NKX1-2: variants seen among roughly 807,000 people sequenced by gnomAD.
NKX1-2 encodes NK1 homeobox 2, also known as NK1 transcription factor-related protein 2.
NKX1-2 carries 1 observed loss-of-function variant against 4.4 expected under a neutral mutation model. That is an observed-to-expected ratio of 0.23 (90% CI 0.08 to 1.08). NKX1-2 has a LOEUF of 1.08. NKX1-2 is among the 50% of genes least tolerant of loss of function. NKX1-2 has a pLI of 0.55. For missense variants in NKX1-2, 503 were observed against 464.6 expected, an observed-to-expected ratio of 1.08 and a Z score of -0.76; for synonymous variants, 235 against 228.0, an observed-to-expected ratio of 1.03 and a Z score of -0.28.
chr10:124,447,314 C>T lies in NKX1-2; in HGVS notation c.*115G>A, dbSNP rs993501253. On this transcript the variant is annotated 3_prime_UTR_variant, in exon 2 of 2. Coordinates refer to ENST00000451024, the MANE Select transcript of NKX1-2 (RefSeq NM_001146340.3). ...CCGCGAGGATCGCGGGTGCGCGCGG[C>T]GGGCAGGGGTGCGCTGACACCCGCG... 7 of 578,398 alleles carry T rather than the reference C, an allele frequency of 1.2e-5. No individual in the cohort carries two copies. The highest frequency in any genetic ancestry group is 7.8e-5 in the African/African-American group (4 of 51,004). The allele number at this position is 578,398 out of a possible 1,614,324, so 35.8% of individuals were successfully genotyped here. A position where few individuals can be genotyped will look rare whatever the true frequency, so the allele number is the denominator to read the frequency against.
chr10:124,445,451 A>C lies in NKX1-2; in HGVS notation c.*1978T>G, dbSNP rs975863171. 2 of 152,294 alleles carry C rather than the reference A, an allele frequency of 1.3e-5. No individual in the cohort carries two copies. Among genetic ancestry groups the C allele is most frequent in the African/African-American group, 4.8e-5 (2 of 41,552 alleles). 9.4% of individuals were successfully genotyped at this position (152,294 alleles called of 1,614,324 possible). A position where few individuals can be genotyped will look rare whatever the true frequency, so the allele number is the denominator to read the frequency against. ...AGATCAGCCTCCCACCTCTCTCCCT[A>C]TTCCCTCTCTTCTACTGAAGTCCAT... On this transcript the variant is annotated 3_prime_UTR_variant, in exon 2 of 2. Coordinates refer to ENST00000451024, the MANE Select transcript of NKX1-2 (RefSeq NM_001146340.3).
In NKX1-2 at chr10:124,449,014, TCC is replaced by T. The variant is rs1261296192; in HGVS notation, c.214+714_214+715del. Among the ~76,000 whole-genome samples, 7 of 152,178 alleles carry T rather than the reference TCC, an allele frequency of 4.6e-5. No homozygotes were observed. Among genetic ancestry groups the T allele is most frequent in the African/African-American group, 1.7e-4 (7 of 41,450 alleles). The stretch of plus-strand genomic sequence containing the variant: ...CAGGGAGCCGCCTTTCCCTGTCTGA[TCC>T]CAGCAGGACTCCTGCTGTCTTCCGT... On this transcript the variant is annotated intron_variant, in intron 1 of 1. Coordinates refer to ENST00000451024, the MANE Select transcript of NKX1-2 (RefSeq NM_001146340.3). The surrounding 1 kb of genome is among the most constrained non-coding windows in gnomAD (Gnocchi z 7.5).
At position 124,447,793 on chromosome 10, in the gene NKX1-2, A is replaced by G. The variant is rs1159528423; in HGVS notation, c.569T>C (p.Val190Ala). The G allele has an allele frequency of 2.0e-6, 3 of 1,482,012 alleles. No individual in the cohort carries two copies. The highest frequency in any genetic ancestry group is 4.5e-5 in the Admixed American group (2 of 44,408). The allele number at this position is 1,482,012 out of a possible 1,614,324, so 91.8% of individuals were successfully genotyped here. The part of the protein sequence containing the change: ...NKFRATRYLS[V>A]CERLNLALSL... ...CAGCGCGAGGTTCAGGCGCTCGCAC[A>G]CTGACAGGTAGCGCGTGGCCCGGAA... Residue 190 changes from valine (V) to alanine (A), a missense_variant, in exon 2 of 2, where the codon GTG becomes GCG. Val to Ala is a moderately conservative substitution (Grantham distance 64). Transcript: ENST00000451024.
rs879793114 is a variant in NKX1-2, at chr10:124,449,491, TGCGGGTGAGCTTG to T, written c.214+226_214+238del. 62 of 693,994 alleles carry T rather than the reference TGCGGGTGAGCTTG, an allele frequency of 8.9e-5. No homozygotes were observed. The highest frequency in any genetic ancestry group is 1.6e-4 in the Admixed American group (8 of 49,732). The allele number at this position is 693,994 out of a possible 1,614,324, so 43.0% of individuals were successfully genotyped here. On this transcript the variant is annotated intron_variant, in intron 1 of 1. Transcript: ENST00000451024. This position sits in a 1 kb window ranked among gnomAD's most constrained non-coding sequence, Gnocchi z 7.5. ...TCCACCGCGAGCATCAGAACTGTGG[TGCGGGTGAGCTTG>T]GCGGGTGAGCAGGGATGCGGCAAAT...
chr10:124,448,165 G>A lies in NKX1-2; in HGVS notation c.215-18C>T. 1.4e-6 allele frequency: 2 copies of A among 1,433,466 alleles called. No homozygotes were observed. The highest frequency in any genetic ancestry group is 2.9e-5 in the Admixed American group (1 of 34,934). 88.8% of individuals were successfully genotyped at this position (1,433,466 alleles called of 1,614,324 possible). On this transcript the variant is annotated intron_variant, in intron 1 of 1. Transcript: ENST00000451024. The surrounding 1 kb of genome is among the most constrained non-coding windows in gnomAD (Gnocchi z 4.1). ...CGCAGCATCTAGGGGAGAAGGGGTCGGTGAACAGAAGCCTCTCCAGGTCCC... is the reference window on the plus strand; with the variant it reads ...CGCAGCATCTAGGGGAGAAGGGGTCAGTGAACAGAAGCCTCTCCAGGTCCC...
In NKX1-2 at chr10:124,447,339, G is replaced by A; in HGVS notation, c.*90C>T. The A allele has an allele frequency of 6.3e-6, 5 of 793,272 alleles. No individual in the cohort carries two copies. Among genetic ancestry groups the A allele is most frequent in the Non-Finnish European group, 8.4e-6 (5 of 593,216 alleles). 49.1% of individuals were successfully genotyped at this position (793,272 alleles called of 1,614,324 possible). A position where few individuals can be genotyped will look rare whatever the true frequency, so the allele number is the denominator to read the frequency against. On this transcript the variant is annotated 3_prime_UTR_variant, in exon 2 of 2. Transcript: ENST00000451024. ...CGGGCAGGGGTGCGCTGACACCCGC[G>A]CACCTGCACCCCCGGTGGAGGAGCC...
rs2361614 is a variant in NKX1-2, at chr10:124,445,767, A to G, written c.*1662T>C. On this transcript the variant is annotated 3_prime_UTR_variant, in exon 2 of 2. Coordinates refer to ENST00000451024, the MANE Select transcript of NKX1-2 (RefSeq NM_001146340.3). ...AGAAGGAAAAGAGTCTAATTAGTGG[A>G]TATTAAGTAATTAAATAATACATAC... is the stretch of plus-strand genomic sequence containing the variant. 1 of 152,044 alleles carries G rather than the reference A, an allele frequency of 6.6e-6. No individual in the cohort carries two copies. Among genetic ancestry groups the G allele is most frequent in the African/African-American group, 2.4e-5 (1 of 41,334 alleles). 9.4% of individuals were successfully genotyped at this position (152,044 alleles called of 1,614,324 possible).
chr10:124,447,863 G>C lies in NKX1-2; in HGVS notation c.499C>G (p.Arg167Gly). 1 of 1,449,498 alleles carries C rather than the reference G, an allele frequency of 6.9e-7. No individual in the cohort carries two copies. Among genetic ancestry groups the C allele is most frequent in the Non-Finnish European group, 9.2e-7 (1 of 1,092,742 alleles). 89.8% of individuals were successfully genotyped at this position (1,449,498 alleles called of 1,614,324 possible). Residue 167 changes from arginine (R) to glycine (G), a missense_variant, in exon 2 of 2, where the codon CGC (arginine) becomes GGC (glycine). Physicochemically the swap from Arg to Gly is moderately radical, Grantham distance 125 (BLOSUM62 -2). Coordinates refer to ENST00000451024, the MANE Select transcript of NKX1-2 (RefSeq NM_001146340.3). ...AGCTGCTCGTAGGTGAAGGCGGTGC[G>C]CGCGCGCCGCGGCTTGGCGCAGTTG... ...EPNCAKPRRA[R>G]TAFTYEQLVA...
In NKX1-2 at chr10:124,447,853, A is replaced by T; in HGVS notation, c.509T>A (p.Phe170Tyr). The change falls in exon 2 of 2, where the codon TTC becomes TAC. Residue 170 changes from phenylalanine (F) to tyrosine (Y), a missense_variant. By Grantham distance (22) the Phe-to-Tyr change is conservative. Coordinates refer to ENST00000451024, the MANE Select transcript of NKX1-2 (RefSeq NM_001146340.3). ...CAAGGCCACCAGCTGCTCGTAGGTG[A>T]AGGCGGTGCGCGCGCGCCGCGGCTT... Reference protein sequence around the residue: ...CAKPRRARTAFTYEQLVALEN... With the variant: ...CAKPRRARTAYTYEQLVALEN... The T allele has an allele frequency of 1.4e-6, 2 of 1,453,708 alleles. No individual in the cohort carries two copies. Among genetic ancestry groups the T allele is most frequent in the Admixed American group, 2.4e-5 (1 of 41,160 alleles). The allele number at this position is 1,453,708 out of a possible 1,614,324, so 90.1% of individuals were successfully genotyped here. A position where few individuals can be genotyped will look rare whatever the true frequency, so the allele number is the denominator to read the frequency against.
At position 124,449,582 on chromosome 10, in the gene NKX1-2, C is replaced by A. The variant is rs866187969; in HGVS notation, c.214+148G>T. ...TCTCTGCCTCTATCCAAGTCCGAGG[C>A]GGGGGCTACACTTCGCACCCGGTCC... On this transcript the variant is annotated intron_variant, in intron 1 of 1. Transcript: ENST00000451024. This position sits in a 1 kb window ranked among gnomAD's most constrained non-coding sequence, Gnocchi z 7.5. 1.4e-6 allele frequency: 1 copy of A among 719,764 alleles called. No homozygotes were observed. The highest frequency in any genetic ancestry group is 2.3e-4 in the Middle Eastern group (1 of 4,344). The allele number at this position is 719,764 out of a possible 1,614,324, so 44.6% of individuals were successfully genotyped here. A position where few individuals can be genotyped will look rare whatever the true frequency, so the allele number is the denominator to read the frequency against.
At position 124,447,164 on chromosome 10, in the gene NKX1-2, C is replaced by T. The variant is rs118061937; in HGVS notation, c.*265G>A. 10,196 of 346,548 alleles carry T rather than the reference C, an allele frequency of 0.029. 211 individuals carry two copies. The highest frequency in any genetic ancestry group is 0.069 in the South Asian group (453 of 6,544). 21.5% of individuals were successfully genotyped at this position (346,548 alleles called of 1,614,324 possible). ...CGCCGAACACCCAGACCCTCAAAAA[C>T]TAGCCCCTGAACTGAATTAAACCTG... On this transcript the variant is annotated 3_prime_UTR_variant, in exon 2 of 2. Coordinates refer to ENST00000451024, the MANE Select transcript of NKX1-2 (RefSeq NM_001146340.3).
rs940802741 is a variant in NKX1-2 at position 124,446,382 on chromosome 10, A to G, written c.*1047T>C. 6.6e-6 allele frequency: 1 copy of G among 152,200 alleles called. No homozygotes were observed. Among genetic ancestry groups the G allele is most frequent in the African/African-American group, 2.4e-5 (1 of 41,432 alleles). The allele number at this position is 152,200 out of a possible 1,614,324, so 9.4% of individuals were successfully genotyped here. ...GTTTTCAAGTCAGAATCCTAGACGA[A>G]GATCTAAAAATGTTGAGTTTGTGCT... On this transcript the variant is annotated 3_prime_UTR_variant, in exon 2 of 2. Coordinates refer to ENST00000451024, the MANE Select transcript of NKX1-2 (RefSeq NM_001146340.3).
At position 124,449,652 on chromosome 10, in the gene NKX1-2, C is replaced by G; in HGVS notation, c.214+78G>C. The G allele has an allele frequency of 9.0e-7, 1 of 1,110,972 alleles. No homozygotes were observed. Among genetic ancestry groups the G allele is most frequent in the East Asian group, 2.6e-5 (1 of 38,836 alleles). The allele number at this position is 1,110,972 out of a possible 1,614,324, so 68.8% of individuals were successfully genotyped here. A position where few individuals can be genotyped will look rare whatever the true frequency, so the allele number is the denominator to read the frequency against. On this transcript the variant is annotated intron_variant, in intron 1 of 1. Coordinates refer to ENST00000451024, the MANE Select transcript of NKX1-2 (RefSeq NM_001146340.3). The surrounding 1 kb of genome is among the most constrained non-coding windows in gnomAD (Gnocchi z 7.5). ...GAAGACGCTGTTAAGGGCCACTCAC[C>G]GGGCCCGGCTGTTCCCCCATACACT...
chr10:124,449,318 G>A lies in NKX1-2; in HGVS notation c.214+412C>T, dbSNP rs1012868384. Among the ~76,000 whole-genome samples, 3 of 152,228 alleles carry A rather than the reference G, an allele frequency of 2.0e-5. No homozygotes were observed. Among genetic ancestry groups the A allele is most frequent in the African/African-American group, 7.2e-5 (3 of 41,466 alleles). Reference sequence around the variant, plus strand: ...CGTCAGCTCCCCCATCCATAAAATGGAGGTGATGTTAATGATGCTGTCCAT... The same window carrying A: ...CGTCAGCTCCCCCATCCATAAAATGAAGGTGATGTTAATGATGCTGTCCAT... On this transcript the variant is annotated intron_variant, in intron 1 of 1. Coordinates refer to ENST00000451024, the MANE Select transcript of NKX1-2 (RefSeq NM_001146340.3). The surrounding 1 kb of genome is among the most constrained non-coding windows in gnomAD (Gnocchi z 7.5).
Position 124,447,627 on chromosome 10 carries a change from G to A in NKX1-2, c.735C>T (p.Gly245=), listed in dbSNP as rs966919508. The A allele has an allele frequency of 7.8e-7, 1 of 1,279,596 alleles. No homozygotes were observed. Among genetic ancestry groups the A allele is most frequent in the Non-Finnish European group, 9.9e-7 (1 of 1,014,748 alleles). The allele number at this position is 1,279,596 out of a possible 1,614,324, so 79.3% of individuals were successfully genotyped here. The change falls in exon 2 of 2, where the codon GGC becomes GGT. Residue 245 remains glycine (G), a synonymous_variant. Coordinates refer to ENST00000451024, the MANE Select transcript of NKX1-2 (RefSeq NM_001146340.3). The part of the protein sequence containing the change: ...APQPGAAGGG[G]GGGSGGSPGP... ...CAGGACTGCCCCCCGAGCCGCCGCCGCCGCCGCCCCCCGCCGCCCCTGGCT... is the reference window on the plus strand; with the variant it reads ...CAGGACTGCCCCCCGAGCCGCCGCCACCGCCGCCCCCCGCCGCCCCTGGCT...
At position 124,449,814 on chromosome 10, in the gene NKX1-2, G is replaced by T; in HGVS notation, c.130C>A (p.Arg44=). ...AALPAVRPAP[R]EARKSLAEVE... ...TCCGCCAAACTTTTCCTGGCTTCCCGGGGAGCCGGGCGCACGGCAGGGAGC... is the reference window on the plus strand; with the variant it reads ...TCCGCCAAACTTTTCCTGGCTTCCCTGGGAGCCGGGCGCACGGCAGGGAGC... Residue 44 remains arginine, a synonymous_variant, in exon 1 of 2, where the codon CGG becomes AGG. Coordinates refer to ENST00000451024, the MANE Select transcript of NKX1-2 (RefSeq NM_001146340.3). The surrounding 1 kb of genome is among the most constrained non-coding windows in gnomAD (Gnocchi z 7.5). 1 of 1,551,652 alleles carries T rather than the reference G, an allele frequency of 6.4e-7. No homozygotes were observed. The highest frequency in any genetic ancestry group is 1.2e-5 in the South Asian group (1 of 84,062).
In NKX1-2 at chr10:124,448,292, C is replaced by T; in HGVS notation, c.215-145G>A. 8.0e-7 allele frequency: 1 copy of T among 1,250,378 alleles called. No homozygotes were observed. The highest frequency in any genetic ancestry group is 1.0e-6 in the Non-Finnish European group (1 of 990,160). The allele number at this position is 1,250,378 out of a possible 1,614,324, so 77.5% of individuals were successfully genotyped here. On this transcript the variant is annotated intron_variant, in intron 1 of 1. Coordinates refer to ENST00000451024, the MANE Select transcript of NKX1-2 (RefSeq NM_001146340.3). This position sits in a 1 kb window ranked among gnomAD's most constrained non-coding sequence, Gnocchi z 4.1. ...ATCGCGCTCCCCTTAGGCCGGACTA[C>T]ACATCCTCGCCAGCGGGTTTAGGGG... is the stretch of plus-strand genomic sequence containing the variant.
Position 124,448,317 on chromosome 10 carries a change from G to T in NKX1-2, c.215-170C>A. ...CACATCCTCGCCAGCGGGTTTAGGG[G>T]AATGGTGTCCTCTTGCCCTTTACAA... is the stretch of plus-strand genomic sequence containing the variant. On this transcript the variant is annotated intron_variant, in intron 1 of 1. Coordinates refer to ENST00000451024, the MANE Select transcript of NKX1-2 (RefSeq NM_001146340.3). The surrounding 1 kb of genome is among the most constrained non-coding windows in gnomAD (Gnocchi z 4.1). 1 of 1,128,252 alleles carries T rather than the reference G, an allele frequency of 8.9e-7. No homozygotes were observed. The highest frequency in any genetic ancestry group is 1.1e-6 in the Non-Finnish European group (1 of 880,176). 69.9% of individuals were successfully genotyped at this position (1,128,252 alleles called of 1,614,324 possible). A position where few individuals can be genotyped will look rare whatever the true frequency, so the allele number is the denominator to read the frequency against.
chr10:124,447,904 C>A lies in NKX1-2; in HGVS notation c.458G>T (p.Arg153Leu). 7.1e-7 allele frequency: 1 copy of A among 1,409,184 alleles called. No individual in the cohort carries two copies. The highest frequency in any genetic ancestry group is 9.3e-7 in the Non-Finnish European group (1 of 1,077,316). 87.3% of individuals were successfully genotyped at this position (1,409,184 alleles called of 1,614,324 possible). ...GGCGCAGTTGGGCTCCAGGCGCCGG[C>A]GCCTGGGACGCGGGGAGCCGGGGGA... ...PGSPGSPRPR[R>L]RRLEPNCAKP... The change falls in exon 2 of 2, where the codon CGC (arginine) becomes CTC (leucine). Residue 153 changes from arginine to leucine, a missense_variant. Arg to Leu is a moderately radical substitution (Grantham distance 102). Coordinates refer to ENST00000451024, the MANE Select transcript of NKX1-2 (RefSeq NM_001146340.3).
Sources: allele counts gnomAD v4.1 joint callset (sites outside exome capture counted in the v4.1 genomes callset), GRCh38; gene constraint gnomAD v4.1.1; non-coding constraint Gnocchi (gnomAD v3.1); transcripts MANE v1.5; gene names NCBI Gene and HGNC (gene_info 2026-07-23, HGNC 2026-07-21).